The following ADAMTSL1 variants were observed in gnomAD, a reference collection of about 807,000 sequenced individuals.
ADAMTSL1 encodes the protein ADAMTS like 1.
In ADAMTSL1, 126 loss-of-function variants were observed where a neutral mutation model predicts 201.8. The ratio of observed to expected loss-of-function variants is 0.62; its 90% CI spans 0.54 to 0.72. The LOEUF (loss-of-function observed/expected upper bound fraction) is 0.72, where lower values mean the gene tolerates loss of function less well. Among genes scored for constraint, ADAMTSL1 ranks in the 30% least tolerant of loss-of-function variants. The pLI is 0.00. For synonymous variants in ADAMTSL1, 1,121 were observed against 903.4 expected (o/e 1.24, Z -4.32); for missense variants, 2,679 against 2,277.8 (o/e 1.18, Z -3.59).
In ADAMTSL1 at chr9:18,721,680, G is replaced by T. The variant is rs1198662419; in HGVS notation, c.2006+15G>T. 6.2e-7 allele frequency: 1 copy of T among 1,613,112 alleles called. No individual in the cohort carries two copies. Among genetic ancestry groups the T allele is most frequent in the South Asian group, 1.1e-5 (1 of 90,896 alleles). On this transcript the variant is annotated intron_variant, in intron 15 of 28. Coordinates refer to ENST00000380548, the MANE Select transcript of ADAMTSL1 (RefSeq NM_001040272.6). ...TGCCCAGCAAGGTAAGGGATGTGTGGCCTGCCCTGCTGTCCAGGGGCACGT... is the reference window on the plus strand; with the variant it reads ...TGCCCAGCAAGGTAAGGGATGTGTGTCCTGCCCTGCTGTCCAGGGGCACGT...
At chr9:18,638,554 A>G (rs530648719) in intron 6 of ADAMTSL1, among the ~76,000 whole-genome samples, 5 of 152,150 alleles carry the variant, frequency 3.3e-5, no homozygotes. Context: ...ACAACAAAAC[A>G]TGCTTCATAG....
chr9:18,871,689 T>C (rs537540440), intron 23 of ADAMTSL1, among the ~76,000 whole-genome samples: 22 of 152,314 alleles, frequency 1.4e-4, no homozygotes, highest in African/African-American at 5.1e-4. Context: ...ACTTACCTAT[T>C]TCTGTTCATG....
At chr9:17,942,035 C>T (rs1588451860) in intron 1 of ADAMTSL1, among the ~76,000 whole-genome samples, 3 of 152,072 alleles carry the variant, frequency 2.0e-5, no homozygotes. Context: ...GGGACACAAG[C>T]GTTCATTATA....
In ADAMTSL1 at chr9:18,706,880, C is replaced by T. The variant is rs772309105; in HGVS notation, c.1708C>T (p.Pro570Ser). 36 of 1,613,810 alleles carry T rather than the reference C, an allele frequency of 2.2e-5. No individual in the cohort carries two copies. Among genetic ancestry groups the T allele is most frequent in the Non-Finnish European group, 3.1e-5 (36 of 1,179,802 alleles). Residue 570 changes from proline (P) to serine (S), a missense_variant, in exon 14 of 29, where the codon CCC (proline) becomes TCC (serine). Physicochemically the swap from Pro to Ser is moderately conservative, Grantham distance 74. Coordinates refer to ENST00000380548, the MANE Select transcript of ADAMTSL1 (RefSeq NM_001040272.6). ...CCTGCCTATTGACGAGTGTGAAGGGCCCAAGCCAGCATCCCAGCGTGCCTG... is the reference window on the plus strand; with the variant it reads ...CCTGCCTATTGACGAGTGTGAAGGGTCCAAGCCAGCATCCCAGCGTGCCTG... ...ADLPIDECEG[P>S]KPASQRACYA...
Position 18,776,910 on chromosome 9 carries a change from C to T in ADAMTSL1, c.2681C>T (p.Ala894Val), listed in dbSNP as rs760078676. ...TTCGCCTACCTGCTCCCCAAGACGG[C>T]GGTGGTGCTGCGCTGCCCGGCGCGC... ...GGFAYLLPKTAVVLRCPARRV... is the reference protein window; with the variant it reads ...GGFAYLLPKTVVVLRCPARRV... The change falls in exon 19 of 29, where the codon GCG (alanine) becomes GTG (valine). Residue 894 changes from alanine (A) to valine (V), a missense_variant. Transcript: ENST00000380548. 6 of 1,608,992 alleles carry T rather than the reference C, an allele frequency of 3.7e-6. No homozygotes were observed. The highest frequency in any genetic ancestry group is 4.2e-6 in the Non-Finnish European group (5 of 1,178,074).
At position 18,681,697 on chromosome 9, in the gene ADAMTSL1, T is replaced by TGTGTTGGGAG. The variant is rs370940110; in HGVS notation, c.1342-114_1342-113insTGTTGGGAGG. 3.9e-4 allele frequency: 93 copies of TGTGTTGGGAG among 240,302 alleles called. 1 individual carries two copies. Among genetic ancestry groups the TGTGTTGGGAG allele is most frequent in the East Asian group, 3.3e-3 (53 of 15,912 alleles). 14.9% of individuals were successfully genotyped at this position (240,302 alleles called of 1,614,324 possible). A position where few individuals can be genotyped will look rare whatever the true frequency, so the allele number is the denominator to read the frequency against. On this transcript the variant is annotated intron_variant, in intron 11 of 28. Transcript: ENST00000380548. ...TATAAATTTACCAGGAGTCCTCGTG[T>TGTGTTGGGAG]GGGGGGGGGGGGCGGGGAAAAAGAA...
At chr9:18,186,934 T>C (rs1389658406) in intron 2 of ADAMTSL1, among the ~76,000 whole-genome samples, 1 of 152,040 alleles carries the variant, frequency 6.6e-6, no homozygotes, top group Non-Finnish European at 1.5e-5. Flanking sequence ...ACCCCATAAC[T>C]GGTAAATGGT....
chr9:18,272,189 C>T (rs554659932), intron 2 of ADAMTSL1, among the ~76,000 whole-genome samples: 2 of 152,244 alleles, frequency 1.3e-5, no homozygotes, highest in South Asian at 4.1e-4. Context: ...AGGCATCACA[C>T]TACCTGACTT....
chr9:17,997,792 A>G (rs116951187), intron 1 of ADAMTSL1, among the ~76,000 whole-genome samples: 1 of 152,228 alleles, frequency 6.6e-6, no homozygotes, highest in East Asian at 1.9e-4. Context: ...TATTATTTTA[A>G]GAAAACAGAT....
At chr9:17,949,599 G>T (rs1827647807) in intron 1 of ADAMTSL1, among the ~76,000 whole-genome samples, 1 of 152,152 alleles carries the variant, frequency 6.6e-6, no homozygotes, top group Non-Finnish European at 1.5e-5. Context: ...AGCCAGACCA[G>T]CCTAGTTCTC....
At chr9:18,657,134 C>T (rs1184764810) in intron 7 of ADAMTSL1, among the ~76,000 whole-genome samples, 3 of 152,184 alleles carry the variant, frequency 2.0e-5, no homozygotes, top group Middle Eastern at 3.2e-3. Flanking sequence ...TTGGTAACTT[C>T]GCACACTAAA....
intron 4 of ADAMTSL1, among the ~76,000 whole-genome samples, chr9:18,599,785 T>C (rs975503062): frequency 3.3e-5 from 5 of 150,530 alleles, no homozygotes; most frequent in African/African-American, 1.2e-4. Flanking sequence ...AATTAAATTA[T>C]ATTTATATAA....
At chr9:18,205,571 G>C (rs1203056632) in intron 2 of ADAMTSL1, among the ~76,000 whole-genome samples, 1 of 151,942 alleles carries the variant, frequency 6.6e-6, no homozygotes, top group Non-Finnish European at 1.5e-5. Flanking sequence ...AGAGGGTCAG[G>C]GAACATGATC....
chr9:18,466,453 G>A (rs79438509), intron 2 of ADAMTSL1, among the ~76,000 whole-genome samples: 1 of 152,134 alleles, frequency 6.6e-6, no homozygotes, highest in South Asian at 2.1e-4. Flanking sequence ...TAGGAAAGAT[G>A]AAATACCCGG....
intron 2 of ADAMTSL1, among the ~76,000 whole-genome samples, chr9:18,314,237 G>A (rs367784857): frequency 4.6e-5 from 7 of 152,238 alleles, no homozygotes; most frequent in South Asian, 4.2e-4. Context: ...ACTGCTGAAG[G>A]GAATGTAAAT....
intron 15 of ADAMTSL1, among the ~76,000 whole-genome samples, chr9:18,725,538 C>T (rs1158702795): frequency 6.6e-6 from 1 of 152,094 alleles, no homozygotes; most frequent in African/African-American, 2.4e-5. Flanking sequence ...GTGAAACCAG[C>T]TCGAGGGAGA....
chr9:17,921,051 A>G (rs918555882), intron 1 of ADAMTSL1, among the ~76,000 whole-genome samples: 1 of 152,186 alleles, frequency 6.6e-6, no homozygotes, highest in Non-Finnish European at 1.5e-5. Flanking sequence ...TATATCCTCA[A>G]TAATTTCCTT....
chr9:18,795,306 C>T (rs2289005), intron 19 of ADAMTSL1, 91 bp from the exon 20 acceptor site: 354,297 of 1,545,646 alleles, frequency 0.23, 41,247 homozygotes, highest in Admixed American at 0.33. Context: ...TCTGCATACA[C>T]CCTGAGGTTC....
At chr9:18,439,983 TTCAATTTTAAATTTGTAC>T (rs1819925855) in intron 2 of ADAMTSL1, among the ~76,000 whole-genome samples, 1 of 152,216 alleles carries the variant, frequency 6.6e-6, no homozygotes, top group Non-Finnish European at 1.5e-5. Flanking sequence ...ACTATGTGTA[TTCAATTTTAAATTTGTAC>T]TCAATTTTAA....
Sources: allele counts gnomAD v4.1 joint callset (sites outside exome capture counted in the v4.1 genomes callset), GRCh38; gene constraint gnomAD v4.1.1; transcripts MANE v1.5; gene names NCBI Gene and HGNC (gene_info 2026-07-23, HGNC 2026-07-21).